The following AP5S1 variants were observed in gnomAD, a reference collection of about 807,000 sequenced individuals.
AP5S1 encodes the protein AP-5 complex subunit sigma-1.
Under a neutral mutation model 13.9 loss-of-function variants are expected in AP5S1, and 13 were observed. The observed-to-expected ratio is 0.94, with a 90% CI of 0.61 to 1.49. The LOEUF is 1.49. Ranked by LOEUF, AP5S1 falls within the 40% of genes most tolerant of loss-of-function variation. AP5S1 has a pLI of 0.00. For missense variants in AP5S1, 292 were observed against 272.3 expected (o/e 1.07, Z -0.51); for synonymous variants, 132 against 121.8 (o/e 1.08, Z -0.55).
chr20:3,823,394 G>T (rs1308907451), intron 2 of AP5S1: 1 of 300,274 alleles, frequency 3.3e-6, no homozygotes, highest in Non-Finnish European at 4.9e-6. Context: ...GACTACAGGC[G>T]CCCGCCACCA....
At chr20:3,820,849 G>A (rs1306322918) in intron 1 of AP5S1, 91 bp downstream of exon 1, 3 of 152,288 alleles carry the variant, frequency 2.0e-5, no homozygotes, top group Non-Finnish European at 4.4e-5. Flanking sequence ...CTGGAGGGTT[G>A]CGGAGGTCAG....
chr20:3,824,530 G>T lies in AP5S1; in HGVS notation c.*233G>T. 2 of 565,214 alleles carry T rather than the reference G, an allele frequency of 3.5e-6. No homozygotes were observed. Among genetic ancestry groups the T allele is most frequent in the South Asian group, 2.3e-5 (1 of 43,984 alleles). 35.0% of individuals were successfully genotyped at this position (565,214 alleles called of 1,614,324 possible). A position where few individuals can be genotyped will look rare whatever the true frequency, so the allele number is the denominator to read the frequency against. On this transcript the variant is annotated 3_prime_UTR_variant, in exon 3 of 3. Coordinates refer to ENST00000615891, the MANE Select transcript of AP5S1 (RefSeq NM_018347.3). The stretch of plus-strand genomic sequence containing the variant: ...CTAGAGCTGCTGTGTTACTTAGACC[G>T]CTGCCGTGCGGCAGCCACGCTTGTC...
chr20:3,822,434 T>A, intron 2 of AP5S1, 141 bp downstream of exon 2: 1 of 715,750 alleles, frequency 1.4e-6, no homozygotes, highest in Non-Finnish European at 2.3e-6. Context: ...CAGAGAGTCT[T>A]CCACAGCTTT....
In AP5S1 at chr20:3,825,092, C is replaced by T. The variant is rs571324663; in HGVS notation, c.*795C>T. On this transcript the variant is annotated 3_prime_UTR_variant, in exon 3 of 3. Transcript: ENST00000615891. ...AAGGTCCTGCTCAGTGTCCAGCCCC[C>T]GCTGAGTTCAGAAATGCATCTGCCA... The T allele has an allele frequency of 5.3e-5, 8 of 152,336 alleles. No individual in the cohort carries two copies. Among genetic ancestry groups the T allele is most frequent in the Admixed American group, 2.0e-4 (3 of 15,296 alleles). 9.4% of individuals were successfully genotyped at this position (152,336 alleles called of 1,614,324 possible).
In AP5S1 at chr20:3,824,196, G is replaced by A. The variant is rs1184410185; in HGVS notation, c.502G>A (p.Gly168Ser). The change falls in exon 3 of 3, where the codon GGC becomes AGC. Residue 168 changes from glycine (G) to serine (S), a missense_variant. By Grantham distance (56) the Gly-to-Ser change is moderately conservative. Coordinates refer to ENST00000615891, the MANE Select transcript of AP5S1 (RefSeq NM_018347.3). ...SLLLRADRIE[G>S]ILTRFLPHGQ... ...TCTGCTGCGGGCTGACCGCATTGAG[G>A]GCATCCTCACCCGCTTCCTGCCACA... 3.1e-6 allele frequency: 5 copies of A among 1,614,154 alleles called. No homozygotes were observed. In the East Asian group the frequency reaches 1.1e-4, roughly 36 times the overall value.
chr20:3,822,289 G>T lies in AP5S1; in HGVS notation c.172G>T (p.Ala58Ser), dbSNP rs1024470585. 1 of 1,613,936 alleles carries T rather than the reference G, an allele frequency of 6.2e-7. No individual in the cohort carries two copies. The highest frequency in any genetic ancestry group is 8.5e-7 in the Non-Finnish European group (1 of 1,179,956). The change falls in exon 2 of 3, where the codon GCC becomes TCC. Residue 58 changes from alanine to serine, a missense_variant. Coordinates refer to ENST00000615891, the MANE Select transcript of AP5S1 (RefSeq NM_018347.3). ...CCGGAAGGAACAGATTTTAGCTGTGGCCAGGTAACCACACAGCCCAGCCCC... is the reference window on the plus strand; with the variant it reads ...CCGGAAGGAACAGATTTTAGCTGTGTCCAGGTAACCACACAGCCCAGCCCC... The part of the protein sequence containing the change: ...LLRKEQILAV[A>S]RQVESMCRLQ...
At chr20:3,820,787 C>G (rs917903120) in intron 1 of AP5S1, 29 bp downstream of exon 1, 2 of 152,312 alleles carry the variant, frequency 1.3e-5, no homozygotes, top group Non-Finnish European at 2.9e-5. Context: ...TACCATTTCT[C>G]TAGTAGAGGC....
Position 3,822,313 on chromosome 20 carries a change from C to A in AP5S1, c.176+20C>A. On this transcript the variant is annotated intron_variant, in intron 2 of 2. Transcript: ENST00000615891. ...GGCCAGGTAACCACACAGCCCAGCC[C>A]CAGGCCTTCATTGAACACGTACCTG... The A allele has an allele frequency of 1.2e-6, 2 of 1,610,158 alleles. No homozygotes were observed. The highest frequency in any genetic ancestry group is 1.7e-6 in the Non-Finnish European group (2 of 1,176,774).
At chr20:3,823,243 C>T (rs1238488979) in intron 2 of AP5S1, among the ~76,000 whole-genome samples, 1 of 152,064 alleles carries the variant, frequency 6.6e-6, no homozygotes, top group Non-Finnish European at 1.5e-5. Context: ...CGTTTATTTT[C>T]TGCCTCATCC....
In AP5S1 at chr20:3,824,651, G is replaced by A. The variant is rs1189469125; in HGVS notation, c.*354G>A. 4 of 274,472 alleles carry A rather than the reference G, an allele frequency of 1.5e-5. No homozygotes were observed. Among genetic ancestry groups the A allele is most frequent in the Non-Finnish European group, 2.8e-5 (4 of 143,068 alleles). The allele number at this position is 274,472 out of a possible 1,614,324, so 17.0% of individuals were successfully genotyped here. A position where few individuals can be genotyped will look rare whatever the true frequency, so the allele number is the denominator to read the frequency against. ...GCTCTTCTTCCAAACCCACAGTCAA[G>A]GCCAGGCGCGGTGGCTCACGCCTGT... is the stretch of plus-strand genomic sequence containing the variant. On this transcript the variant is annotated 3_prime_UTR_variant, in exon 3 of 3. Coordinates refer to ENST00000615891, the MANE Select transcript of AP5S1 (RefSeq NM_018347.3).
intron 1 of AP5S1, among the ~76,000 whole-genome samples, chr20:3,821,447 A>G (rs976951601): frequency 6.6e-6 from 1 of 151,626 alleles, no homozygotes; most frequent in African/African-American, 2.4e-5. Flanking sequence ...ATCTCGGCTC[A>G]CTGCAGCCTC....
At chr20:3,821,871 CTTTTTTCT>C in intron 1 of AP5S1, 4 of 917,632 alleles carry the variant, frequency 4.4e-6, no homozygotes, top group Non-Finnish European at 3.9e-6. Context: ...GTTTGTTTTT[CTTTTTTCT>C]TTTTTTTTTT....
chr20:3,821,702 G>A (rs1019725937), intron 1 of AP5S1, among the ~76,000 whole-genome samples: 1 of 151,972 alleles, frequency 6.6e-6, no homozygotes, highest in Admixed American at 6.6e-5. Context: ...ACCCGATCCA[G>A]GAGTACACGT....
Position 3,823,881 on chromosome 20 carries a change from T to C in AP5S1, c.187T>C (p.Ser63Pro). 1 of 1,599,630 alleles carries C rather than the reference T, an allele frequency of 6.3e-7. No homozygotes were observed. Among genetic ancestry groups the C allele is most frequent in the Non-Finnish European group, 8.5e-7 (1 of 1,177,952 alleles). ...GCCCACTCTCCCCAGGCAGGTAGAGTCAATGTGTCGGCTGCAGCAGCAGGC... is the reference window on the plus strand; with the variant it reads ...GCCCACTCTCCCCAGGCAGGTAGAGCCAATGTGTCGGCTGCAGCAGCAGGC... Reference protein sequence around the residue: ...QILAVARQVESMCRLQQQASG... With the variant: ...QILAVARQVEPMCRLQQQASG... Residue 63 changes from serine to proline, a missense_variant, in exon 3 of 3, where the codon TCA (serine) becomes CCA (proline). Coordinates refer to ENST00000615891, the MANE Select transcript of AP5S1 (RefSeq NM_018347.3).
chr20:3,823,989 C>T lies in AP5S1; in HGVS notation c.295C>T (p.Arg99Cys), dbSNP rs369900734. 28 of 1,612,558 alleles carry T rather than the reference C, an allele frequency of 1.7e-5. No individual in the cohort carries two copies. The highest frequency in any genetic ancestry group is 2.1e-5 in the Non-Finnish European group (25 of 1,180,020). ...GCACGAGGCCCCACGTGGGGCTTTC[C>T]GCCTGGCAGCAGAGAACCCTTTCCA... is the stretch of plus-strand genomic sequence containing the variant. ...PLHEAPRGAF[R>C]LAAENPFQEP... The change falls in exon 3 of 3, where the codon CGC becomes TGC. Residue 99 changes from arginine to cysteine, a missense_variant. Transcript: ENST00000615891.
At chr20:3,823,062 A>G (rs1325881941) in intron 2 of AP5S1, among the ~76,000 whole-genome samples, 1 of 152,202 alleles carries the variant, frequency 6.6e-6, no homozygotes, top group Non-Finnish European at 1.5e-5. Flanking sequence ...TCAGAAAACC[A>G]AATACATGCC....
chr20:3,821,474 C>T (rs1326771014), intron 1 of AP5S1, among the ~76,000 whole-genome samples: 5 of 152,008 alleles, frequency 3.3e-5, no homozygotes, highest in African/African-American at 1.2e-4. Flanking sequence ...CGGGTTCAAG[C>T]GATTCTGTGG....
Position 3,825,115 on chromosome 20 carries a change from C to T in AP5S1, c.*818C>T, listed in dbSNP as rs1320071840. Reference sequence around the variant, plus strand: ...CCCGCTGAGTTCAGAAATGCATCTGCCAATCAGCAGCAGGATTCTGCAGCT... The same window carrying T: ...CCCGCTGAGTTCAGAAATGCATCTGTCAATCAGCAGCAGGATTCTGCAGCT... On this transcript the variant is annotated 3_prime_UTR_variant, in exon 3 of 3. Transcript: ENST00000615891. 7 of 152,262 alleles carry T rather than the reference C, an allele frequency of 4.6e-5. No homozygotes were observed. Among genetic ancestry groups the T allele is most frequent in the Non-Finnish European group, 1.5e-5 (1 of 68,080 alleles). The allele number at this position is 152,262 out of a possible 1,614,324, so 9.4% of individuals were successfully genotyped here. A position where few individuals can be genotyped will look rare whatever the true frequency, so the allele number is the denominator to read the frequency against.
chr20:3,822,003 G>A, intron 1 of AP5S1, 99 bp from the exon 2 acceptor site: 1 of 1,460,964 alleles, frequency 6.8e-7, no homozygotes, highest in Non-Finnish European at 9.1e-7. Context: ...ACTGGCCTCT[G>A]GATACACTCC....
Sources: allele counts gnomAD v4.1 joint callset (sites outside exome capture counted in the v4.1 genomes callset), GRCh38; gene constraint gnomAD v4.1.1; transcripts MANE v1.5; gene names NCBI Gene and HGNC (gene_info 2026-07-23, HGNC 2026-07-21).